Variants in ZNF609 observed in about 807,000 individuals in gnomAD.
The protein encoded by ZNF609 is zinc finger protein 609.
In ZNF609, 11 loss-of-function variants were observed where a neutral mutation model predicts 109.5. That is an observed-to-expected ratio of 0.10 (90% CI 0.06 to 0.17). The LOEUF is 0.17. Ranked by LOEUF, ZNF609 falls within the 10% of genes least tolerant of loss-of-function variation. ZNF609 has a pLI of 1.00. For synonymous variants in ZNF609, 646 were observed against 662.0 expected, an observed-to-expected ratio of 0.98 and a Z score of 0.37; for missense variants, 1,559 against 1,772.4, an observed-to-expected ratio of 0.88 and a Z score of 2.16.
rs557285963 is a variant in ZNF609 at position 64,510,747 on chromosome 15, A to T, written c.747+10581A>T. On this transcript the variant is annotated intron_variant, in intron 2 of 9. Coordinates refer to ENST00000326648, the MANE Select transcript of ZNF609 (RefSeq NM_015042.2). ...TTTGAGGTGGTCAGGTTTTACCCTA[A>T]AATGTTTGTTGTCCATTGGGATGTG... 2.0e-5 allele frequency among the ~76,000 whole-genome samples: 3 copies of T among 152,142 alleles called. No individual in the cohort carries two copies. In the East Asian group the frequency reaches 5.8e-4, roughly 29 times the overall value.
intron 2 of ZNF609, among the ~76,000 whole-genome samples, chr15:64,521,628 C>G (rs966321215): frequency 6.6e-6 from 1 of 152,214 alleles, no homozygotes; most frequent in African/African-American, 2.4e-5. Flanking sequence ...AATCAAGGCT[C>G]ATAACCTTTA....
chr15:64,636,854 C>A lies in ZNF609; in HGVS notation c.973+13802C>A, dbSNP rs544982453. Among the ~76,000 whole-genome samples the A allele has an allele frequency of 7.1e-4, 108 of 152,280 alleles. 1 individual carries two copies. The South Asian group carries it at 8.3e-3, about 12-fold the overall frequency. On this transcript the variant is annotated intron_variant, in intron 3 of 9. Coordinates refer to ENST00000326648, the MANE Select transcript of ZNF609 (RefSeq NM_015042.2). ...CTGTTATCCTTTGTTATCTTCCCAG[C>A]CACTTGTCTACAGGAGTCACAAACC...
intron 3 of ZNF609, among the ~76,000 whole-genome samples, chr15:64,636,939 C>T (rs771003051): frequency 2.3e-4 from 35 of 152,120 alleles, no homozygotes; most frequent in Admixed American, 1.2e-3. Flanking sequence ...TAAACATGTA[C>T]GCAAATTCTA....
At chr15:64,496,446 A>C (rs558887925) in intron 1 of ZNF609, among the ~76,000 whole-genome samples, 80 of 152,350 alleles carry the variant, frequency 5.3e-4, no homozygotes, top group African/African-American at 1.9e-3. Context: ...CCTAGCCACA[A>C]TTGCAAAGAT....
At chr15:64,641,801 G>C (rs1299668506) in intron 3 of ZNF609, among the ~76,000 whole-genome samples, 1 of 152,100 alleles carries the variant, frequency 6.6e-6, no homozygotes, top group Non-Finnish European at 1.5e-5. Flanking sequence ...CATTTTTACA[G>C]ACTATCCCAA....
intron 2 of ZNF609, among the ~76,000 whole-genome samples, chr15:64,516,175 A>G (rs147211369): frequency 1.3e-3 from 197 of 152,262 alleles, no homozygotes; most frequent in Admixed American, 3.6e-3. Flanking sequence ...TTCCTTAGTC[A>G]TATTTCACCC....
At chr15:64,477,215 A>T (rs144261381) in intron 1 of ZNF609, among the ~76,000 whole-genome samples, 4,637 of 133,350 alleles carry the variant, frequency 0.035, 100 homozygotes, top group Non-Finnish European at 0.049. Flanking sequence ...ATCTTGGCTC[A>T]CTGCAAGCTC....
At chr15:64,575,474 AT>A (rs1230131169) in intron 2 of ZNF609, among the ~76,000 whole-genome samples, 3 of 151,916 alleles carry the variant, frequency 2.0e-5, no homozygotes, top group African/African-American at 7.2e-5. Context: ...AATCAGTAGG[AT>A]TTTTTTGCAC....
At chr15:64,473,191 CTTTTTTTT>C (rs951319279) in intron 1 of ZNF609, among the ~76,000 whole-genome samples, 4 of 76,072 alleles carry the variant, frequency 5.3e-5, no homozygotes, top group African/African-American at 2.6e-4. Flanking sequence ...ATATTTGGTT[CTTTTTTTT>C]TTTTTTTTTT....
At chr15:64,461,368 C>G (rs923965859) in intron 1 of ZNF609, among the ~76,000 whole-genome samples, 1 of 151,988 alleles carries the variant, frequency 6.6e-6, no homozygotes, top group Non-Finnish European at 1.5e-5. Context: ...GTCACATTTA[C>G]TCCTGTCCTT....
intron 2 of ZNF609, among the ~76,000 whole-genome samples, chr15:64,615,097 G>C (rs1216780085): frequency 2.6e-5 from 4 of 152,078 alleles, no homozygotes; most frequent in African/African-American, 9.7e-5. Flanking sequence ...GATTACAGGC[G>C]TGAGCCACCA....
intron 1 of ZNF609, among the ~76,000 whole-genome samples, chr15:64,483,138 C>T (rs970205862): frequency 2.0e-5 from 3 of 152,002 alleles, no homozygotes; most frequent in Admixed American, 2.0e-4. Context: ...TCTTATCACC[C>T]AGGCTGGAGT....
intron 2 of ZNF609, among the ~76,000 whole-genome samples, chr15:64,603,597 A>G (rs1014555538): frequency 5.8e-4 from 88 of 151,924 alleles, no homozygotes; most frequent in African/African-American, 1.9e-3. Context: ...CATGACAAGT[A>G]ATCTCCCACC....
chr15:64,599,366 CTGTT>C (rs999994123), intron 2 of ZNF609, among the ~76,000 whole-genome samples: 6 of 151,942 alleles, frequency 3.9e-5, no homozygotes, highest in Non-Finnish European at 8.8e-5. Flanking sequence ...AGATGTTTGT[CTGTT>C]TGTTCATAGC....
chr15:64,584,916 C>T (rs1224380138), intron 2 of ZNF609, among the ~76,000 whole-genome samples: 1 of 151,174 alleles, frequency 6.6e-6, no homozygotes, highest in African/African-American at 2.4e-5. Context: ...CATGAGCCAC[C>T]ACGCCTGCCT....
intron 4 of ZNF609, among the ~76,000 whole-genome samples, chr15:64,671,864 G>A (rs1410081915): frequency 6.6e-6 from 1 of 152,070 alleles, no homozygotes; most frequent in Non-Finnish European, 1.5e-5. Flanking sequence ...ACAAAGATGG[G>A]CAGAAATGTC....
chr15:64,520,337 G>C (rs748366710), intron 2 of ZNF609, among the ~76,000 whole-genome samples: 4 of 152,164 alleles, frequency 2.6e-5, no homozygotes, highest in Non-Finnish European at 5.9e-5. Context: ...AATGTCCCCA[G>C]ACACTGCCAA....
At chr15:64,477,598 G>A (rs1893191604) in intron 1 of ZNF609, among the ~76,000 whole-genome samples, 1 of 150,766 alleles carries the variant, frequency 6.6e-6, no homozygotes, top group South Asian at 2.1e-4. Flanking sequence ...TAATATGCAA[G>A]CAATGGAATG....
At chr15:64,638,492 A>G (rs1433153393) in intron 3 of ZNF609, among the ~76,000 whole-genome samples, 1 of 152,034 alleles carries the variant, frequency 6.6e-6, no homozygotes, top group South Asian at 2.1e-4. Flanking sequence ...AGAAGACCCA[A>G]AGTTTTATCC....
Sources: gnomAD v4.1 joint callset for allele counts (sites outside exome capture counted in the v4.1 genomes callset) on GRCh38, gnomAD v4.1.1 for gene constraint, MANE v1.5 for transcripts, NCBI Gene and HGNC (gene_info 2026-07-23, HGNC 2026-07-21) for gene names.